Variants in GPR83 observed in about 807,000 individuals in gnomAD.
GPR83 encodes the protein G protein-coupled receptor 83, also known as G-protein coupled receptor 72.
In GPR83, 23 loss-of-function variants were observed where a neutral mutation model predicts 28.0. That is an observed-to-expected ratio of 0.82 (90% confidence interval 0.59 to 1.16). GPR83 has a LOEUF of 1.16. Among genes scored for constraint, GPR83 ranks in the 50% most tolerant of loss-of-function variants. GPR83 has a pLI of 0.00. For synonymous variants in GPR83, 234 were observed against 215.4 expected, an observed-to-expected ratio of 1.09 and a Z score of -0.76; for missense variants, 610 against 536.6, an observed-to-expected ratio of 1.14 and a Z score of -1.35.
rs767820805 is a variant in GPR83 at position 94,393,063 on chromosome 11, A to C, written c.647+422T>G. On this transcript the variant is annotated intron_variant, in intron 3 of 3. Transcript: ENST00000243673. ...CAGTGATAGCATATGATAAACATACATGGTAGGTGGGGGAGGTAGAGAAGC... is the reference window on the plus strand; with the variant it reads ...CAGTGATAGCATATGATAAACATACCTGGTAGGTGGGGGAGGTAGAGAAGC... 1.3e-5 allele frequency among the ~76,000 whole-genome samples: 2 copies of C among 152,318 alleles called. 1 individual carries two copies. Among genetic ancestry groups the C allele is most frequent in the East Asian group, 3.9e-4 (2 of 5,186 alleles).
chr11:94,384,748 C>G (rs144340272), intron 3 of GPR83, among the ~76,000 whole-genome samples: 1,570 of 152,286 alleles, frequency 0.01, 32 homozygotes, highest in African/African-American at 0.036. Flanking sequence ...AGGCCTGCCT[C>G]CCTCTGTAGA....
At chr11:94,381,438 G>A (rs1056804333) in intron 3 of GPR83, among the ~76,000 whole-genome samples, 3 of 152,050 alleles carry the variant, frequency 2.0e-5, no homozygotes, top group African/African-American at 7.2e-5. Context: ...ATGTTGGGGG[G>A]CCTGGGTGAG....
intron 3 of GPR83, among the ~76,000 whole-genome samples, chr11:94,389,962 C>CAT (rs1227599396): frequency 6.6e-6 from 1 of 152,170 alleles, no homozygotes; most frequent in East Asian, 1.9e-4. Context: ...AAATGTGGCA[C>CAT]ATATACACCA....
chr11:94,400,421 A>C (rs533475050), intron 1 of GPR83, among the ~76,000 whole-genome samples: 11 of 151,190 alleles, frequency 7.3e-5, no homozygotes, highest in South Asian at 2.1e-4. Context: ...AGAGGAAGAG[A>C]GGAGAGGTGG....
At chr11:94,382,969 C>G (rs1361175244) in intron 3 of GPR83, among the ~76,000 whole-genome samples, 3 of 151,946 alleles carry the variant, frequency 2.0e-5, no homozygotes, top group East Asian at 3.9e-4. Flanking sequence ...TTGAGACCAT[C>G]CCGGCTAACA....
chr11:94,379,867 T>G lies in GPR83; in HGVS notation c.*282A>C. The G allele has an allele frequency of 3.7e-6, 1 of 270,530 alleles. No homozygotes were observed. The allele number at this position is 270,530 out of a possible 1,614,324, so 16.8% of individuals were successfully genotyped here. The stretch of plus-strand genomic sequence containing the variant: ...GCAGTTGAATGATTCAGCCCCCATC[T>G]GGGCCAACGTTGTCCTCGCTCCTCT... On this transcript the variant is annotated 3_prime_UTR_variant, in exon 4 of 4. Coordinates refer to ENST00000243673, the MANE Select transcript of GPR83 (RefSeq NM_016540.4).
At position 94,377,586 on chromosome 11, in the gene GPR83, T is replaced by C. The variant is rs1944634685; in HGVS notation, c.*2563A>G. The C allele has an allele frequency of 6.6e-6, 1 of 152,162 alleles. No homozygotes were observed. Among genetic ancestry groups the C allele is most frequent in the African/African-American group, 2.4e-5 (1 of 41,428 alleles). 9.4% of individuals were successfully genotyped at this position (152,162 alleles called of 1,614,324 possible). Reference sequence around the variant, plus strand: ...CTTAGGATTTTTAAAAATTTTATGATGATGGGAAAGCAATACACATTCAGT... The same window carrying C: ...CTTAGGATTTTTAAAAATTTTATGACGATGGGAAAGCAATACACATTCAGT... On this transcript the variant is annotated 3_prime_UTR_variant, in exon 4 of 4. Coordinates refer to ENST00000243673, the MANE Select transcript of GPR83 (RefSeq NM_016540.4).
In GPR83 at chr11:94,380,378, A is replaced by T. The variant is rs144869270; in HGVS notation, c.1043T>A (p.Leu348Gln). 1.1e-5 allele frequency: 17 copies of T among 1,614,060 alleles called. No individual in the cohort carries two copies. In the African/African-American group the frequency reaches 1.3e-4, roughly 13 times the overall value. The change falls in exon 4 of 4, where the codon CTG becomes CAG. Residue 348 changes from leucine to glutamine, a missense_variant. Coordinates refer to ENST00000243673, the MANE Select transcript of GPR83 (RefSeq NM_016540.4). ...TCYNPFIYCWLNENFRIELKA... is the reference protein window; with the variant it reads ...TCYNPFIYCWQNENFRIELKA... The stretch of plus-strand genomic sequence containing the variant: ...TAGCTCAATCCTGAAGTTCTCGTTC[A>T]GCCAGCAGTATATGAAGGGGTTATA...
In GPR83 at chr11:94,401,313, C is replaced by T. The variant is rs1044914050; in HGVS notation, c.-66G>A. On this transcript the variant is annotated 5_prime_UTR_variant, in exon 1 of 4. Coordinates refer to ENST00000243673, the MANE Select transcript of GPR83 (RefSeq NM_016540.4). Reference sequence around the variant, plus strand: ...GCGTCCCCTCCCGCTGGGATCGGAGCGCGCAGCCGGGGTGCGGGGCGCACA... The same window carrying T: ...GCGTCCCCTCCCGCTGGGATCGGAGTGCGCAGCCGGGGTGCGGGGCGCACA... 1.4e-6 allele frequency: 2 copies of T among 1,463,776 alleles called. No individual in the cohort carries two copies. Among genetic ancestry groups the T allele is most frequent in the Non-Finnish European group, 9.0e-7 (1 of 1,105,390 alleles). 90.7% of individuals were successfully genotyped at this position (1,463,776 alleles called of 1,614,324 possible). A position where few individuals can be genotyped will look rare whatever the true frequency, so the allele number is the denominator to read the frequency against.
rs534324959 is a variant in GPR83 at position 94,395,248 on chromosome 11, C to T, written c.513+1151G>A. 3.3e-4 allele frequency among the ~76,000 whole-genome samples: 51 copies of T among 152,280 alleles called. No homozygotes were observed. In the East Asian group the frequency reaches 9.3e-3, roughly 28 times the overall value. On this transcript the variant is annotated intron_variant, in intron 2 of 3. Transcript: ENST00000243673. The stretch of plus-strand genomic sequence containing the variant: ...TCATTACCTCCCAGGCAGGTTTGTC[C>T]ACCTTTAGACACTTCTATGAGAGAA...
intron 3 of GPR83, among the ~76,000 whole-genome samples, chr11:94,392,783 G>A (rs929632903): frequency 1.3e-5 from 2 of 151,768 alleles, no homozygotes; most frequent in South Asian, 2.1e-4. Context: ...CTGAGATCCT[G>A]CCATTGTACT....
intron 3 of GPR83, among the ~76,000 whole-genome samples, chr11:94,381,420 C>A (rs897011368): frequency 2.0e-5 from 3 of 152,008 alleles, no homozygotes; most frequent in African/African-American, 7.2e-5. Context: ...GGTAGAAGGG[C>A]AGCCTGGATG....
intron 1 of GPR83, among the ~76,000 whole-genome samples, chr11:94,399,646 T>C (rs1944893712): frequency 6.6e-6 from 1 of 152,252 alleles, no homozygotes; most frequent in South Asian, 2.1e-4. Flanking sequence ...TGGGGGTTCA[T>C]CCTGTGTTTT....
At chr11:94,385,528 G>A (rs1335657135) in intron 3 of GPR83, among the ~76,000 whole-genome samples, 2 of 152,180 alleles carry the variant, frequency 1.3e-5, no homozygotes, top group African/African-American at 4.8e-5. Context: ...TGAAAACCAT[G>A]GCACAAGAAC....
In GPR83 at chr11:94,401,289, C is replaced by T. The variant is rs771208744; in HGVS notation, c.-42G>A. The T allele has an allele frequency of 9.3e-5, 142 of 1,532,364 alleles. No individual in the cohort carries two copies. Among genetic ancestry groups the T allele is most frequent in the Middle Eastern group, 2.4e-4 (1 of 4,198 alleles). The allele number at this position is 1,532,364 out of a possible 1,614,324, so 94.9% of individuals were successfully genotyped here. A position where few individuals can be genotyped will look rare whatever the true frequency, so the allele number is the denominator to read the frequency against. On this transcript the variant is annotated 5_prime_UTR_variant, in exon 1 of 4. Transcript: ENST00000243673. ...CTCCCCTGGGAGCCTGCGGGCCGGG[C>T]GTCCCCTCCCGCTGGGATCGGAGCG...
At chr11:94,397,219 G>A (rs572984791) in intron 1 of GPR83, among the ~76,000 whole-genome samples, 1 of 152,230 alleles carries the variant, frequency 6.6e-6, no homozygotes, top group Non-Finnish European at 1.5e-5. Flanking sequence ...ACCGTGTAGG[G>A]CCCTAGAAGC....
At chr11:94,394,783 G>T (rs927900379) in intron 2 of GPR83, among the ~76,000 whole-genome samples, 1 of 152,200 alleles carries the variant, frequency 6.6e-6, no homozygotes, top group Admixed American at 6.5e-5. Context: ...CTGGGGCAGA[G>T]GCTCCAAGCA....
intron 3 of GPR83, among the ~76,000 whole-genome samples, chr11:94,383,522 T>C (rs940692626): frequency 6.6e-6 from 1 of 151,986 alleles, no homozygotes; most frequent in African/African-American, 2.4e-5. Context: ...AAAAAACCCT[T>C]CAAAAAAATC....
intron 1 of GPR83, among the ~76,000 whole-genome samples, chr11:94,397,294 C>A (rs1017646953): frequency 3.3e-5 from 5 of 152,188 alleles, no homozygotes; most frequent in Non-Finnish European, 5.9e-5. Context: ...TTGAGCAGCT[C>A]CTGTGAGTAA....
Sources: gnomAD v4.1 joint callset for allele counts (sites outside exome capture counted in the v4.1 genomes callset) on GRCh38, gnomAD v4.1.1 for gene constraint, MANE v1.5 for transcripts, NCBI Gene and HGNC (gene_info 2026-07-23, HGNC 2026-07-21) for gene names.